Variants in BTC observed in about 807,000 individuals in gnomAD.
BTC encodes betacellulin, also known as probetacellulin.
A neutral mutation model predicts 18.1 loss-of-function variants in BTC; 13 were observed. The observed-to-expected ratio is 0.72, with a 90% CI of 0.47 to 1.14. The LOEUF (loss-of-function observed/expected upper bound fraction) is 1.14. Among genes scored for constraint, BTC ranks in the 50% most tolerant of loss-of-function variants. The pLI, the probability that BTC is intolerant of heterozygous loss-of-function variation, is 0.00. For synonymous variants in BTC, 83 were observed against 79.4 expected (o/e 1.05, Z -0.24); for missense variants, 247 against 224.2 (o/e 1.10, Z -0.65).
chr4:74,766,996 C>T (rs564594884), intron 2 of BTC, among the ~76,000 whole-genome samples: 2 of 152,122 alleles, frequency 1.3e-5, no homozygotes, highest in African/African-American at 4.8e-5. Flanking sequence ...GAAAGCTTTT[C>T]CTCCAAGATC....
chr4:74,783,792 C>T (rs1450525785), intron 1 of BTC, among the ~76,000 whole-genome samples: 3 of 151,906 alleles, frequency 2.0e-5, no homozygotes, highest in African/African-American at 2.4e-5. Context: ...CTGATTTCTT[C>T]GAGCAGTGGT....
chr4:74,789,583 G>A (rs1042717414), intron 1 of BTC, among the ~76,000 whole-genome samples: 7 of 152,062 alleles, frequency 4.6e-5, no homozygotes, highest in Non-Finnish European at 1.0e-4. Context: ...CTTTCTCAAT[G>A]TTACAAGGCA....
chr4:74,758,126 G>A (rs1724652225), intron 2 of BTC, among the ~76,000 whole-genome samples: 1 of 152,198 alleles, frequency 6.6e-6, no homozygotes. Flanking sequence ...AAGAGCAAAG[G>A]CACAGAGTCA....
chr4:74,786,568 A>G (rs1725482939), intron 1 of BTC, among the ~76,000 whole-genome samples: 1 of 152,186 alleles, frequency 6.6e-6, no homozygotes, highest in African/African-American at 2.4e-5. Context: ...GAATACAACA[A>G]TTTGATTACT....
At chr4:74,758,655 G>A (rs1319263577) in intron 2 of BTC, among the ~76,000 whole-genome samples, 2 of 152,132 alleles carry the variant, frequency 1.3e-5, no homozygotes, top group Admixed American at 6.5e-5. Flanking sequence ...ACCATGCAGA[G>A]TGTGATACCA....
intron 1 of BTC, among the ~76,000 whole-genome samples, chr4:74,786,735 T>C (rs933622397): frequency 1.3e-5 from 2 of 152,084 alleles, no homozygotes; most frequent in Non-Finnish European, 2.9e-5. Flanking sequence ...ACACTTATTT[T>C]AAAAGTTTAC....
chr4:74,792,634 A>G (rs1725663591), intron 1 of BTC, among the ~76,000 whole-genome samples: 2 of 152,212 alleles, frequency 1.3e-5, no homozygotes, highest in Non-Finnish European at 1.5e-5. Flanking sequence ...TCAGTTCTTC[A>G]TAATCTGTCT....
intron 1 of BTC, among the ~76,000 whole-genome samples, chr4:74,780,352 G>A (rs1725286047): frequency 6.6e-6 from 1 of 152,138 alleles, no homozygotes; most frequent in African/African-American, 2.4e-5. Context: ...AAATCACTAA[G>A]AATGAGGTGT....
intron 1 of BTC, among the ~76,000 whole-genome samples, chr4:74,788,628 G>T (rs962011023): frequency 2.6e-5 from 4 of 152,118 alleles, no homozygotes; most frequent in Admixed American, 6.5e-5. Context: ...AATTTAACAT[G>T]GTAAAAATTT....
intron 1 of BTC, among the ~76,000 whole-genome samples, chr4:74,777,908 G>A (rs1442954395): frequency 6.6e-6 from 1 of 151,970 alleles, no homozygotes; most frequent in Non-Finnish European, 1.5e-5. Context: ...AGGAGTAAAA[G>A]CAATAAGCAT....
chr4:74,758,160 C>T (rs1004715782), intron 2 of BTC, among the ~76,000 whole-genome samples: 16 of 152,196 alleles, frequency 1.1e-4, no homozygotes, highest in Middle Eastern at 3.4e-3. Flanking sequence ...CTAATGCAGG[C>T]AGTGGGAGGC....
Position 74,794,375 on chromosome 4 carries a change from C to T in BTC, c.-50G>A. 3 of 1,470,988 alleles carry T rather than the reference C, an allele frequency of 2.0e-6. No individual in the cohort carries two copies. The highest frequency in any genetic ancestry group is 2.7e-6 in the Non-Finnish European group (3 of 1,111,232). The allele number at this position is 1,470,988 out of a possible 1,614,324, so 91.1% of individuals were successfully genotyped here. A position where few individuals can be genotyped will look rare whatever the true frequency, so the allele number is the denominator to read the frequency against. On this transcript the variant is annotated 5_prime_UTR_variant, in exon 1 of 6. Transcript: ENST00000395743. Reference sequence around the variant, plus strand: ...AGCCCCTAGACAAGTCTCCCTCCTTCTTCGCCCCCTTCCCGGGCCTCGGGC... The same window carrying T: ...AGCCCCTAGACAAGTCTCCCTCCTTTTTCGCCCCCTTCCCGGGCCTCGGGC...
chr4:74,773,003 G>A (rs1249873115), intron 1 of BTC, among the ~76,000 whole-genome samples: 2 of 152,162 alleles, frequency 1.3e-5, no homozygotes, highest in African/African-American at 2.4e-5. Flanking sequence ...GTCCTCACAG[G>A]TGGAGGCAGA....
intron 2 of BTC, among the ~76,000 whole-genome samples, chr4:74,759,631 T>C (rs1724697725): frequency 6.8e-6 from 1 of 148,014 alleles, no homozygotes; most frequent in African/African-American, 2.5e-5. Flanking sequence ...AAAGTATAAA[T>C]ATAAATAAAG....
intron 1 of BTC, among the ~76,000 whole-genome samples, chr4:74,787,411 C>A (rs1426851867): frequency 6.6e-6 from 1 of 152,154 alleles, no homozygotes; most frequent in Non-Finnish European, 1.5e-5. Flanking sequence ...TCCCTCCAAC[C>A]ATCTAAAAAG....
intron 1 of BTC, among the ~76,000 whole-genome samples, chr4:74,776,464 G>T (rs1725178025): frequency 6.6e-6 from 1 of 152,032 alleles, no homozygotes; most frequent in African/African-American, 2.4e-5. Flanking sequence ...AAAGACAAAA[G>T]GAAAAGAAAT....
At chr4:74,753,343 C>T (rs1463353698) in intron 3 of BTC, among the ~76,000 whole-genome samples, 1 of 152,026 alleles carries the variant, frequency 6.6e-6, no homozygotes, top group Non-Finnish European at 1.5e-5. Flanking sequence ...TATCATTAAC[C>T]CCATTTTATA....
chr4:74,753,284 G>T (rs1553956379), intron 3 of BTC, among the ~76,000 whole-genome samples: 1 of 152,160 alleles, frequency 6.6e-6, no homozygotes. Flanking sequence ...TGTTGTAAAA[G>T]ATCTATGAAT....
At chr4:74,792,749 T>C (rs1725667031) in intron 1 of BTC, among the ~76,000 whole-genome samples, 1 of 152,334 alleles carries the variant, frequency 6.6e-6, no homozygotes, top group East Asian at 1.9e-4. Flanking sequence ...TCCTCTCTAC[T>C]ATTGCAAACT....
Sources: gnomAD v4.1 joint callset for allele counts (sites outside exome capture counted in the v4.1 genomes callset) on GRCh38, gnomAD v4.1.1 for gene constraint, MANE v1.5 for transcripts, NCBI Gene and HGNC (gene_info 2026-07-23, HGNC 2026-07-21) for gene names.